RHOBTB3: variants seen among roughly 807,000 people sequenced by gnomAD.
RHOBTB3 encodes rho-related BTB domain-containing protein 3.
RHOBTB3 carries 47 observed loss-of-function variants against 67.2 expected under a neutral mutation model. The observed-to-expected ratio is 0.70, with a 90% CI of 0.55 to 0.89. RHOBTB3 has a LOEUF of 0.89. Among genes scored for constraint, RHOBTB3 ranks in the 40% least tolerant of loss-of-function variants. RHOBTB3 has a pLI of 0.00. For synonymous variants in RHOBTB3, 273 were observed against 274.2 expected (o/e 1.00, Z 0.04); for missense variants, 631 against 750.0 (o/e 0.84, Z 1.85).
chr5:95,758,163 C>T (rs1745301124), intron 6 of RHOBTB3, among the ~76,000 whole-genome samples: 1 of 152,142 alleles, frequency 6.6e-6, no homozygotes, highest in South Asian at 2.1e-4. Flanking sequence ...GATGTATCTC[C>T]AGTGGCTGAT....
rs1755241395 is a variant in RHOBTB3, at chr5:95,731,457, A to G, written c.-226A>G. 1.4e-5 allele frequency: 17 copies of G among 1,212,080 alleles called. 1 individual carries two copies. In the South Asian group the frequency reaches 1.9e-4, roughly 14 times the overall value. 75.1% of individuals were successfully genotyped at this position (1,212,080 alleles called of 1,614,324 possible). On this transcript the variant is annotated 5_prime_UTR_variant, in exon 1 of 12. Transcript: ENST00000379982. ...CGATGTTCCCGGGCACTCCCTGAGT[A>G]GCGGCAGCTTATCCCCCGCCCGCTA...
chr5:95,786,408 G>C (rs1746225574), intron 10 of RHOBTB3, among the ~76,000 whole-genome samples: 1 of 152,182 alleles, frequency 6.6e-6, no homozygotes, highest in African/African-American at 2.4e-5. Flanking sequence ...TAGATGAGCA[G>C]TGTGGGTATT....
At chr5:95,790,078 A>ATG (rs1298128017) in intron 11 of RHOBTB3, among the ~76,000 whole-genome samples, 1 of 152,202 alleles carries the variant, frequency 6.6e-6, no homozygotes, top group Non-Finnish European at 1.5e-5. Context: ...TTTTTGGGAG[A>ATG]TGTATTCAGC....
chr5:95,790,001 A>G (rs1470387486), intron 11 of RHOBTB3, among the ~76,000 whole-genome samples: 1 of 152,236 alleles, frequency 6.6e-6, no homozygotes, highest in Non-Finnish European at 1.5e-5. Context: ...AAGAAAAAAG[A>G]GTAAAAATCT....
Position 95,731,840 on chromosome 5 carries a change from G to A in RHOBTB3, c.3-19G>A. 1.2e-6 allele frequency: 2 copies of A among 1,605,950 alleles called. No homozygotes were observed. The highest frequency in any genetic ancestry group is 1.7e-6 in the Non-Finnish European group (2 of 1,174,226). The stretch of plus-strand genomic sequence containing the variant: ...CTGACCGTGCTTCCCTTCTCCCCTC[G>A]CCCCCTCTGTCCGTGCAGGTCCATC... On this transcript the variant is annotated intron_variant, in intron 1 of 11. Coordinates refer to ENST00000379982, the MANE Select transcript of RHOBTB3 (RefSeq NM_014899.4).
chr5:95,785,419 GTC>G (rs1746194856), intron 10 of RHOBTB3, among the ~76,000 whole-genome samples: 1 of 150,910 alleles, frequency 6.6e-6, no homozygotes, highest in Non-Finnish European at 1.5e-5. Context: ...GTGAAGCCCA[GTC>G]TCTACTAAAA....
At chr5:95,791,224 C>T (rs546070826) in intron 11 of RHOBTB3, among the ~76,000 whole-genome samples, 1 of 152,156 alleles carries the variant, frequency 6.6e-6, no homozygotes, top group South Asian at 2.1e-4. Context: ...AAAAGTGAGA[C>T]TGGAAAAGAT....
At chr5:95,738,960 C>T (rs1214648894) in intron 3 of RHOBTB3, among the ~76,000 whole-genome samples, 1 of 152,204 alleles carries the variant, frequency 6.6e-6, no homozygotes, top group Non-Finnish European at 1.5e-5. Context: ...TCCTCCCACA[C>T]ACACACAGCA....
At chr5:95,769,500 GAAATTATTC>G (rs1268075461) in intron 8 of RHOBTB3, 3 of 176,738 alleles carry the variant, frequency 1.7e-5, no homozygotes, top group South Asian at 2.5e-4. Flanking sequence ...AACTCTTGAA[GAAATTATTC>G]AGTTTGCTAT....
intron 10 of RHOBTB3, among the ~76,000 whole-genome samples, chr5:95,785,228 T>C (rs1048133301): frequency 2.0e-5 from 3 of 152,202 alleles, no homozygotes; most frequent in Non-Finnish European, 4.4e-5. Flanking sequence ...CTTAACTATT[T>C]TGGACTTCAT....
At chr5:95,752,687 T>C (rs570426184) in intron 5 of RHOBTB3, among the ~76,000 whole-genome samples, 32 of 152,364 alleles carry the variant, frequency 2.1e-4, no homozygotes, top group Admixed American at 3.9e-4. Flanking sequence ...ACTGGTTCAA[T>C]AAAAACATCT....
intron 4 of RHOBTB3, among the ~76,000 whole-genome samples, chr5:95,750,666 C>T (rs773837963): frequency 1.3e-5 from 2 of 152,186 alleles, no homozygotes; most frequent in Non-Finnish European, 2.9e-5. Flanking sequence ...CCTGTGCAGG[C>T]CATTTTCCTG....
At chr5:95,760,858 G>A (rs7729314) in intron 6 of RHOBTB3, among the ~76,000 whole-genome samples, 78,346 of 152,024 alleles carry the variant, frequency 0.52, 20,755 homozygotes, top group Admixed American at 0.59. Context: ...TTTACCACTG[G>A]AAAAATAAAA....
chr5:95,770,563 C>A, intron 8 of RHOBTB3: 1 of 402,860 alleles, frequency 2.5e-6, no homozygotes, highest in South Asian at 2.2e-5. Context: ...AATCATTGGC[C>A]CAACGAAGGA....
At chr5:95,742,970 C>T (rs537924396) in intron 3 of RHOBTB3, among the ~76,000 whole-genome samples, 1 of 152,282 alleles carries the variant, frequency 6.6e-6, no homozygotes, top group South Asian at 2.1e-4. Flanking sequence ...ACTCGGGAGG[C>T]TGAGGCAGGA....
At chr5:95,728,353 C>T (rs1166068852), upstream of RHOBTB3, among the ~76,000 whole-genome samples, 1 of 152,152 alleles carries the variant, frequency 6.6e-6, no homozygotes, top group Non-Finnish European at 1.5e-5. Flanking sequence ...TTCTTTATAC[C>T]TTTGCATGTG....
At chr5:95,765,645 C>T (rs1338309812) in intron 7 of RHOBTB3, among the ~76,000 whole-genome samples, 2 of 152,312 alleles carry the variant, frequency 1.3e-5, no homozygotes, top group South Asian at 4.1e-4. Flanking sequence ...TCTGCGAGCT[C>T]TCCAATTCAG....
intron 3 of RHOBTB3, 132 bp from the exon 4 acceptor site, chr5:95,748,201 A>G (rs1411310353): frequency 6.0e-6 from 3 of 498,854 alleles, no homozygotes; most frequent in Non-Finnish European, 1.1e-5. Context: ...TTTAGTGGGT[A>G]GTGGATATAC....
intron 7 of RHOBTB3, among the ~76,000 whole-genome samples, chr5:95,764,156 A>AT (rs1002302155): frequency 5.3e-5 from 8 of 152,206 alleles, no homozygotes; most frequent in African/African-American, 1.7e-4. Context: ...CATGTGAGTC[A>AT]TGTCTTTAAA....
Sources: allele counts gnomAD v4.1 joint callset (sites outside exome capture counted in the v4.1 genomes callset), GRCh38; gene constraint gnomAD v4.1.1; transcripts MANE v1.5; gene names NCBI Gene and HGNC (gene_info 2026-07-23, HGNC 2026-07-21).